ITPRID2: variants seen among roughly 807,000 people sequenced by gnomAD.
ITPRID2 encodes ITPR interacting domain containing 2, also known as protein ITPRID2.
In ITPRID2, 60 loss-of-function variants were observed where a neutral mutation model predicts 124.3. That is an observed-to-expected ratio of 0.48 (90% CI 0.39 to 0.60). The LOEUF is 0.60. ITPRID2 is among the 20% of genes least tolerant of loss of function. The pLI is 0.00. For synonymous variants in ITPRID2, 521 were observed against 542.9 expected (o/e 0.96, Z 0.56); for missense variants, 1,553 against 1,512.2 (o/e 1.03, Z -0.45).
In ITPRID2 at chr2:181,922,432, C is replaced by G. The variant is rs1288121264; in HGVS notation, c.3675+20C>G. On this transcript the variant is annotated intron_variant, in intron 16 of 17. Coordinates refer to ENST00000431877, the MANE Select transcript of ITPRID2 (RefSeq NM_001130445.3). ...CGGGAGGTGGGTAAAATCTGTGTTT[C>G]ATTCATTTATTTGGAGGTATATGTT... is the stretch of plus-strand genomic sequence containing the variant. 1.9e-6 allele frequency: 3 copies of G among 1,570,238 alleles called. No homozygotes were observed. Among genetic ancestry groups the G allele is most frequent in the African/African-American group, 1.4e-5 (1 of 73,468 alleles).
At chr2:181,928,325 T>A in intron 17 of ITPRID2, 47 bp downstream of exon 17, 1 of 1,157,730 alleles carries the variant, frequency 8.6e-7, no homozygotes, top group Non-Finnish European at 1.2e-6. Context: ...AAATAGTAAC[T>A]GGCATTTTAT....
chr2:181,922,202 A>G lies in ITPRID2; in HGVS notation c.3465A>G (p.Leu1155=), dbSNP rs756433223. The G allele has an allele frequency of 6.2e-7, 1 of 1,614,270 alleles. No individual in the cohort carries two copies. Among genetic ancestry groups the G allele is most frequent in the South Asian group, 1.1e-5 (1 of 91,086 alleles). ...RKKVFRASVA[L]TPTAPSRTGS... is the part of the protein sequence containing the mutation. ...AAGTGTTCCGAGCATCGGTGGCTCT[A>G]ACGCCAACAGCTCCTTCTAGAACAG... Residue 1155 remains leucine, a synonymous_variant, in exon 16 of 18, where the codon CTA becomes CTG. Transcript: ENST00000431877.
At chr2:181,927,948 A>G (rs1208967926) in intron 16 of ITPRID2, among the ~76,000 whole-genome samples, 1 of 152,194 alleles carries the variant, frequency 6.6e-6, no homozygotes, top group Non-Finnish European at 1.5e-5. Context: ...TTTGTAATCT[A>G]GTTAGCTGAA....
rs1264165336 is a variant in ITPRID2 at position 181,909,947 on chromosome 2, C to T, written c.1462C>T (p.Leu488=). ...TCCTCATGTTCCAGCCACTTACCAG[C>T]TAGGTCTTACGAAGTCGAAAAGAGG... ...EAPHVPATYQ[L]GLTKSKRDHL... The change falls in exon 9 of 18, where the codon CTA becomes TTA. Residue 488 remains leucine (L), a synonymous_variant. Coordinates refer to ENST00000431877, the MANE Select transcript of ITPRID2 (RefSeq NM_001130445.3). 1.1e-5 allele frequency: 17 copies of T among 1,613,156 alleles called. No individual in the cohort carries two copies. The highest frequency in any genetic ancestry group is 1.4e-5 in the Non-Finnish European group (17 of 1,179,312).
In ITPRID2 at chr2:181,919,156, A is replaced by G. The variant is rs1324122477; in HGVS notation, c.2994-140A>G. ...GACTAATGTCCTTGTGGATACACCT[A>G]TTGTAGTTGATATTGTACTAATTTC... On this transcript the variant is annotated intron_variant, in intron 13 of 17. Transcript: ENST00000431877. The surrounding 1 kb of genome is among the most constrained non-coding windows in gnomAD (Gnocchi z 4.2). The G allele has an allele frequency of 1.0e-6, 1 of 961,096 alleles. No individual in the cohort carries two copies. The highest frequency in any genetic ancestry group is 1.5e-6 in the Non-Finnish European group (1 of 647,742). 59.5% of individuals were successfully genotyped at this position (961,096 alleles called of 1,614,324 possible). A position where few individuals can be genotyped will look rare whatever the true frequency, so the allele number is the denominator to read the frequency against.
At chr2:181,914,191 ATCATTAAC>A (rs1693849693) in intron 10 of ITPRID2, among the ~76,000 whole-genome samples, 1 of 152,164 alleles carries the variant, frequency 6.6e-6, no homozygotes, top group East Asian at 1.9e-4. Context: ...GATTATTGTG[ATCATTAAC>A]CTGTTTTGTC....
rs1691754252 is a variant in ITPRID2 at position 181,892,144 on chromosome 2, C to T, written c.78C>T (p.Ala26=). 6.4e-7 allele frequency: 1 copy of T among 1,558,260 alleles called. No individual in the cohort carries two copies. Among genetic ancestry groups the T allele is most frequent in the Non-Finnish European group, 8.7e-7 (1 of 1,151,442 alleles). The change falls in exon 1 of 18, where the codon GCC becomes GCT. Residue 26 remains alanine, a synonymous_variant. Coordinates refer to ENST00000431877, the MANE Select transcript of ITPRID2 (RefSeq NM_001130445.3). This position sits in a 1 kb window ranked among gnomAD's most constrained non-coding sequence, Gnocchi z 5.2. ...AAGTGGCGAGTCGCAGGAGGAAGGC[C>T]TGGGCCAAGTGCCGCAGCTCCTGGC... ...EWQVASRRRK[A]WAKCRSSWQA...
Position 181,892,476 on chromosome 2 carries a change from T to C in ITPRID2, c.212-139T>C. 8.1e-7 allele frequency: 1 copy of C among 1,238,036 alleles called. No individual in the cohort carries two copies. Among genetic ancestry groups the C allele is most frequent in the South Asian group, 1.3e-5 (1 of 75,410 alleles). 76.7% of individuals were successfully genotyped at this position (1,238,036 alleles called of 1,614,324 possible). ...ACAGACAACTGGGTGCCATCCGATT[T>C]CCCTGCCAAGGGACACTGAGACGTG... is the stretch of plus-strand genomic sequence containing the variant. On this transcript the variant is annotated intron_variant, in intron 1 of 17. Transcript: ENST00000431877. The surrounding 1 kb of genome is among the most constrained non-coding windows in gnomAD (Gnocchi z 5.2).
intron 17 of ITPRID2, among the ~76,000 whole-genome samples, chr2:181,928,656 C>A (rs1174025512): frequency 1.3e-5 from 2 of 149,942 alleles, no homozygotes; most frequent in African/African-American, 2.5e-5. Context: ...GACAGAGTCT[C>A]GCTCTGTCGC....
chr2:181,916,466 T>G, intron 11 of ITPRID2, 39 bp downstream of exon 11: 1 of 1,579,696 alleles, frequency 6.3e-7, no homozygotes. Flanking sequence ...TTTTTTCTTT[T>G]ACTGCTCTGA....
In ITPRID2 at chr2:181,896,120, GT is replaced by G. The variant is rs1312200670; in HGVS notation, c.307+43del. The G allele has an allele frequency of 3.9e-6, 6 of 1,542,582 alleles. No homozygotes were observed. The highest frequency in any genetic ancestry group is 5.4e-6 in the Non-Finnish European group (6 of 1,115,784). On this transcript the variant is annotated intron_variant, in intron 3 of 17. Transcript: ENST00000431877. This position sits in a 1 kb window ranked among gnomAD's most constrained non-coding sequence, Gnocchi z 4.3. ...CTTTCTAAATCTGTTCTTTATGACAGTTCTACTTCTTTGTCCTCTGGGTAAA... is the reference window on the plus strand; with the variant it reads ...CTTTCTAAATCTGTTCTTTATGACAGTCTACTTCTTTGTCCTCTGGGTAAA...
At chr2:181,897,612 T>A (rs1300413249) in intron 4 of ITPRID2, among the ~76,000 whole-genome samples, 6 of 151,950 alleles carry the variant, frequency 3.9e-5, no homozygotes, top group African/African-American at 1.4e-4. Flanking sequence ...ATTATTTTAC[T>A]GGTGTTTTAA....
At chr2:181,911,832 A>G (rs1028904684) in intron 9 of ITPRID2, among the ~76,000 whole-genome samples, 1 of 152,184 alleles carries the variant, frequency 6.6e-6, no homozygotes, top group Non-Finnish European at 1.5e-5. Context: ...TTTGCAGAGG[A>G]GAGAAGCTAT....
rs1692254281 is a variant in ITPRID2 at position 181,896,986 on chromosome 2, G to A, written c.364+22G>A. On this transcript the variant is annotated intron_variant, in intron 4 of 17. Coordinates refer to ENST00000431877, the MANE Select transcript of ITPRID2 (RefSeq NM_001130445.3). The surrounding 1 kb of genome is among the most constrained non-coding windows in gnomAD (Gnocchi z 4.3). ...GAAGGTATGTTTGTTTGGAAGAACT[G>A]TATTTTTGTGTAGTTTTCAAATTTA... The A allele has an allele frequency of 1.3e-6, 2 of 1,599,206 alleles. No individual in the cohort carries two copies. The highest frequency in any genetic ancestry group is 1.7e-6 in the Non-Finnish European group (2 of 1,167,792).
At position 181,919,552 on chromosome 2, in the gene ITPRID2, T is replaced by C. The variant is rs1229187802; in HGVS notation, c.3144+106T>C. 1.6e-5 allele frequency: 20 copies of C among 1,288,310 alleles called. No individual in the cohort carries two copies. In the East Asian group the frequency reaches 4.8e-4, roughly 31 times the overall value. 79.8% of individuals were successfully genotyped at this position (1,288,310 alleles called of 1,614,324 possible). A position where few individuals can be genotyped will look rare whatever the true frequency, so the allele number is the denominator to read the frequency against. ...TTTCAAGTCATTTATTTTAATGGTA[T>C]TAAAAGCATGCATACTGTTTAAGGA... On this transcript the variant is annotated intron_variant, in intron 14 of 17. Coordinates refer to ENST00000431877, the MANE Select transcript of ITPRID2 (RefSeq NM_001130445.3). This position sits in a 1 kb window ranked among gnomAD's most constrained non-coding sequence, Gnocchi z 4.2.
At chr2:181,929,492 C>T (rs1695123301) in intron 17 of ITPRID2, 69 bp from the exon 18 acceptor site, 1 of 1,041,878 alleles carries the variant, frequency 9.6e-7, no homozygotes, top group South Asian at 1.5e-5. Flanking sequence ...TTCTCATCTT[C>T]CTTTAAAGAA....
chr2:181,911,082 T>C (rs1390323804), intron 9 of ITPRID2, among the ~76,000 whole-genome samples: 4 of 152,188 alleles, frequency 2.6e-5, no homozygotes, highest in Non-Finnish European at 4.4e-5. Context: ...TAGGAATGAT[T>C]AGATGTGGTT....
At chr2:181,911,667 A>G (rs1238021710) in intron 9 of ITPRID2, among the ~76,000 whole-genome samples, 1 of 152,096 alleles carries the variant, frequency 6.6e-6, no homozygotes, top group Non-Finnish European at 1.5e-5. Context: ...TTATAGTTCC[A>G]TCTTTTTCTG....
intron 9 of ITPRID2, 57 bp from the exon 10 acceptor site, chr2:181,913,788 C>A: frequency 7.8e-7 from 1 of 1,275,494 alleles, no homozygotes; most frequent in Middle Eastern, 2.3e-4. Flanking sequence ...TTTCTTATAG[C>A]CACTTTTTTT....
Sources: allele counts gnomAD v4.1 joint callset (sites outside exome capture counted in the v4.1 genomes callset), GRCh38; gene constraint gnomAD v4.1.1; non-coding constraint Gnocchi (gnomAD v3.1); transcripts MANE v1.5; gene names NCBI Gene and HGNC (gene_info 2026-07-23, HGNC 2026-07-21).